Variants in NTRK2 observed in about 807,000 individuals in gnomAD.
The protein encoded by NTRK2 is BDNF/NT-3 growth factors receptor.
A neutral mutation model predicts 94.5 loss-of-function variants in NTRK2; 13 were observed. The observed-to-expected ratio is 0.14, with a 90% CI of 0.09 to 0.22. The LOEUF (loss-of-function observed/expected upper bound fraction) is 0.22, where lower values mean the gene tolerates loss of function less well. NTRK2 is among the 10% of genes least tolerant of loss of function. The pLI is 1.00. For synonymous variants in NTRK2, 372 were observed against 407.4 expected (o/e 0.91, Z 1.05); for missense variants, 639 against 1,071.2 (o/e 0.60, Z 5.63).
chr9:84,859,195 G>A (rs1352819566), intron 12 of NTRK2, among the ~76,000 whole-genome samples: 1 of 152,192 alleles, frequency 6.6e-6, no homozygotes. Flanking sequence ...TGGGGCACAC[G>A]ATGGGAGGGG....
chr9:84,765,962 A>G (rs2065989096), intron 12 of NTRK2, among the ~76,000 whole-genome samples: 1 of 152,226 alleles, frequency 6.6e-6, no homozygotes, highest in Non-Finnish European at 1.5e-5. Flanking sequence ...TAAATTTTAA[A>G]AAGACTATTG....
At chr9:84,728,245 C>T (rs868683401) in intron 9 of NTRK2, among the ~76,000 whole-genome samples, 2 of 152,164 alleles carry the variant, frequency 1.3e-5, no homozygotes, top group Non-Finnish European at 2.9e-5. Context: ...GGCCTAGATT[C>T]AGGGCTGGTG....
chr9:84,959,212 G>A (rs1021783945), intron 17 of NTRK2, among the ~76,000 whole-genome samples: 1 of 152,172 alleles, frequency 6.6e-6, no homozygotes, highest in African/African-American at 2.4e-5. Flanking sequence ...TGCTTTAGCT[G>A]ATGTGAGCTG....
intron 14 of NTRK2, among the ~76,000 whole-genome samples, chr9:84,920,656 T>C (rs1470842812): frequency 6.6e-6 from 1 of 152,206 alleles, no homozygotes; most frequent in African/African-American, 2.4e-5. Context: ...ATGGAAGCCA[T>C]GCCCCCATCT....
chr9:84,862,288 G>T (rs547792832), intron 13 of NTRK2, among the ~76,000 whole-genome samples: 1 of 152,312 alleles, frequency 6.6e-6, no homozygotes, highest in Admixed American at 6.5e-5. Context: ...GATCCTGCCT[G>T]GGCAGTCTTA....
Position 84,860,876 on chromosome 9 carries a change from C to T in NTRK2, c.1397-164C>T, listed in dbSNP as rs184726278. Among the ~76,000 whole-genome samples the T allele has an allele frequency of 4.6e-5, 7 of 151,182 alleles. 1 individual carries two copies. The East Asian group carries it at 1.4e-3, about 29-fold the overall frequency. ...TTCCAGGTGTTTGATAGGAAGCTTT[C>T]ATCCCAAGTGGTTTGTTTATTTATT... On this transcript the variant is annotated intron_variant, in intron 12 of 18. Transcript: ENST00000277120.
At chr9:84,858,078 C>T (rs964709351) in intron 12 of NTRK2, among the ~76,000 whole-genome samples, 1 of 152,102 alleles carries the variant, frequency 6.6e-6, no homozygotes, top group Non-Finnish European at 1.5e-5. Context: ...TCCACACTCC[C>T]CTCAATTTGC....
rs531379357 is a variant in NTRK2, at chr9:85,008,791, G to A, written c.2173-11415G>A. ...AGCGTGAATGGTGCCCTTCAGGATC[G>A]TGCAGTGGAGCAGGACTGTGTCAAA... is the stretch of plus-strand genomic sequence containing the variant. On this transcript the variant is annotated intron_variant, in intron 17 of 18. Coordinates refer to ENST00000277120, the MANE Select transcript of NTRK2 (RefSeq NM_006180.6). 8.5e-5 allele frequency among the ~76,000 whole-genome samples: 13 copies of A among 152,286 alleles called. No individual in the cohort carries two copies. In the East Asian group the frequency reaches 1.2e-3, roughly 14 times the overall value.
At chr9:84,903,764 T>C (rs934596781) in intron 14 of NTRK2, among the ~76,000 whole-genome samples, 1 of 151,610 alleles carries the variant, frequency 6.6e-6, no homozygotes, top group African/African-American at 2.4e-5. Context: ...CTCTCTCAGA[T>C]TATAGAAAAG....
intron 14 of NTRK2, among the ~76,000 whole-genome samples, chr9:84,909,504 C>A (rs1389703207): frequency 6.6e-6 from 1 of 151,780 alleles, no homozygotes. Context: ...TAAGACATTG[C>A]CGAAACATTT....
At position 84,967,818 on chromosome 9, in the gene NTRK2, C is replaced by T. The variant is rs937757779; in HGVS notation, c.2172+12301C>T. ...GGAAAGGTATGGAGAGATTGATGCC[C>T]GGGGTTAAGGGCGTGGAGGGAACAT... is the stretch of plus-strand genomic sequence containing the variant. On this transcript the variant is annotated intron_variant, in intron 17 of 18. Coordinates refer to ENST00000277120, the MANE Select transcript of NTRK2 (RefSeq NM_006180.6). Among the ~76,000 whole-genome samples, 7 of 152,178 alleles carry T rather than the reference C, an allele frequency of 4.6e-5. No individual in the cohort carries two copies. In the East Asian group the frequency reaches 7.7e-4, roughly 17 times the overall value.
intron 2 of NTRK2, among the ~76,000 whole-genome samples, chr9:84,699,475 T>C (rs1443881835): frequency 6.6e-6 from 1 of 152,226 alleles, no homozygotes; most frequent in Non-Finnish European, 1.5e-5. Flanking sequence ...CTTCTTTTGA[T>C]GGTGCTTTTG....
At chr9:84,995,770 A>G (rs748271721) in intron 17 of NTRK2, among the ~76,000 whole-genome samples, 5 of 152,230 alleles carry the variant, frequency 3.3e-5, no homozygotes, top group Non-Finnish European at 5.9e-5. Context: ...ACCTTTATCT[A>G]GACAACTAAA....
intron 12 of NTRK2, among the ~76,000 whole-genome samples, chr9:84,835,509 A>G (rs903462937): frequency 2.6e-5 from 4 of 151,266 alleles, no homozygotes; most frequent in African/African-American, 7.4e-5. Flanking sequence ...TACTAGATTT[A>G]GACAGAGATA....
chr9:84,689,354 A>G (rs946926451), intron 2 of NTRK2, among the ~76,000 whole-genome samples: 1 of 152,122 alleles, frequency 6.6e-6, no homozygotes, highest in Non-Finnish European at 1.5e-5. Flanking sequence ...GACATTAACC[A>G]TTCGTGTGCT....
rs550230753 is a variant in NTRK2, at chr9:84,942,267, T to G, written c.1765-6195T>G. Reference sequence around the variant, plus strand: ...AAGTTCTTTCTATCCACGAATTCATTAAAATACACTCCTCCAAAGCTGAAT... The same window carrying G: ...AAGTTCTTTCTATCCACGAATTCATGAAAATACACTCCTCCAAAGCTGAAT... On this transcript the variant is annotated intron_variant, in intron 15 of 18. Transcript: ENST00000277120. Among the ~76,000 whole-genome samples, 61 of 152,332 alleles carry G rather than the reference T, an allele frequency of 4.0e-4. No homozygotes were observed. In the South Asian group the frequency reaches 8.1e-3, roughly 20 times the overall value.
intron 17 of NTRK2, among the ~76,000 whole-genome samples, chr9:84,981,486 T>C (rs1827612194): frequency 6.6e-6 from 1 of 152,254 alleles, no homozygotes; most frequent in Admixed American, 6.5e-5. Context: ...TTTGTGTATG[T>C]AGTTACTTGT....
At chr9:84,728,878 G>A (rs978527313) in intron 9 of NTRK2, among the ~76,000 whole-genome samples, 2 of 152,220 alleles carry the variant, frequency 1.3e-5, no homozygotes, top group Admixed American at 1.3e-4. Flanking sequence ...TCAGTGGAGT[G>A]TTCTTACCTA....
chr9:84,921,768 C>G (rs1361754378), intron 14 of NTRK2, among the ~76,000 whole-genome samples: 1 of 152,136 alleles, frequency 6.6e-6, no homozygotes, highest in African/African-American at 2.4e-5. Flanking sequence ...AAATCCTCCT[C>G]TATGTAGTGG....
Sources: gnomAD v4.1 joint callset for allele counts (sites outside exome capture counted in the v4.1 genomes callset) on GRCh38, gnomAD v4.1.1 for gene constraint, MANE v1.5 for transcripts, NCBI Gene and HGNC (gene_info 2026-07-23, HGNC 2026-07-21) for gene names.